LNPK: variants seen among roughly 807,000 people sequenced by gnomAD.
LNPK encodes lunapark, ER junction formation factor.
In LNPK, 29 loss-of-function variants were observed where a neutral mutation model predicts 55.2. The observed-to-expected ratio is 0.53, with a 90% CI of 0.39 to 0.72. The LOEUF (loss-of-function observed/expected upper bound fraction) is 0.72. Among genes scored for constraint, LNPK ranks in the 30% least tolerant of loss-of-function variants. The pLI, the probability that LNPK is intolerant of heterozygous loss-of-function variation, is 0.00. For synonymous variants in LNPK, 162 were observed against 168.2 expected, an observed-to-expected ratio of 0.96 and a Z score of 0.29; for missense variants, 467 against 494.8, an observed-to-expected ratio of 0.94 and a Z score of 0.53.
intron 12 of LNPK, among the ~76,000 whole-genome samples, chr2:175,931,655 T>G (rs1684285170): frequency 6.6e-6 from 1 of 152,204 alleles, no homozygotes; most frequent in Non-Finnish European, 1.5e-5. Flanking sequence ...CAAATCTCAT[T>G]TTTAAAAATC....
intron 8 of LNPK, among the ~76,000 whole-genome samples, chr2:175,961,236 T>G (rs1368953675): frequency 2.6e-5 from 4 of 152,164 alleles, no homozygotes; most frequent in East Asian, 1.9e-4. Context: ...TACCAAAGCC[T>G]GGCAGAGACA....
intron 6 of LNPK, among the ~76,000 whole-genome samples, chr2:175,966,286 A>T (rs1295595814): frequency 6.6e-6 from 1 of 152,006 alleles, no homozygotes; most frequent in Non-Finnish European, 1.5e-5. Flanking sequence ...CTGGTCTCGA[A>T]CTCTTGGCCT....
chr2:175,932,012 T>A (rs1684302198), intron 12 of LNPK: 1 of 347,806 alleles, frequency 2.9e-6, no homozygotes. Flanking sequence ...TATAGTTTAG[T>A]AAGCCTTCTG....
intron 8 of LNPK, among the ~76,000 whole-genome samples, chr2:175,948,977 T>C (rs1685276876): frequency 6.6e-6 from 1 of 152,178 alleles, no homozygotes; most frequent in Admixed American, 6.5e-5. Context: ...ATTAACTAAT[T>C]GTTATGAGAA....
chr2:175,993,116 T>C, intron 3 of LNPK, 66 bp downstream of exon 3: 1 of 984,262 alleles, frequency 1.0e-6, no homozygotes, highest in South Asian at 1.6e-5. Flanking sequence ...CAAAATAATA[T>C]ATACTACAAT....
At chr2:175,953,723 C>T (rs1385983176) in intron 8 of LNPK, among the ~76,000 whole-genome samples, 1 of 149,744 alleles carries the variant, frequency 6.7e-6, no homozygotes, top group African/African-American at 2.5e-5. Context: ...TAATTGTTCT[C>T]TATGGCTCAG....
At position 175,947,573 on chromosome 2, in the gene LNPK, C is replaced by G. The variant is rs978369246; in HGVS notation, c.613G>C (p.Gly205Arg). The change falls in exon 9 of 13, where the codon GGT (glycine) becomes CGT (arginine). Residue 205 changes from glycine to arginine, a missense_variant. Coordinates refer to ENST00000272748, the MANE Select transcript of LNPK (RefSeq NM_030650.3). ...GTAACAGTCCTTTCTGGGGGTCCAC[C>G]AGGGGCAGAACTGTCCTTTGGTGGT... ...PGPPKDSSAP[G>R]GPPERTVTPA... 4 of 1,613,880 alleles carry G rather than the reference C, an allele frequency of 2.5e-6. No individual in the cohort carries two copies. The highest frequency in any genetic ancestry group is 3.4e-6 in the Non-Finnish European group (4 of 1,179,982).
intron 1 of LNPK, among the ~76,000 whole-genome samples, chr2:176,001,226 T>A (rs578044940): frequency 6.6e-6 from 1 of 152,204 alleles, no homozygotes; most frequent in East Asian, 1.9e-4. Flanking sequence ...AGTTTGAACA[T>A]ATTCCTGAAA....
At chr2:175,998,444 CAAAA>C (rs761894057) in intron 1 of LNPK, among the ~76,000 whole-genome samples, 5 of 82,850 alleles carry the variant, frequency 6.0e-5, no homozygotes, top group Non-Finnish European at 9.3e-5. Flanking sequence ...CTCCGTCTCA[CAAAA>C]AAAAAAAAAA....
At chr2:175,994,320 C>T in intron 2 of LNPK, 5 of 984,418 alleles carry the variant, frequency 5.1e-6, no homozygotes, top group Non-Finnish European at 6.0e-6. Context: ...AAATTTGATC[C>T]TTGGGCAGAT....
At chr2:175,941,790 C>CAAAAAAAAAAAAAAAAAA (rs59162981) in intron 9 of LNPK, among the ~76,000 whole-genome samples, 5 of 51,900 alleles carry the variant, frequency 9.6e-5, no homozygotes, top group African/African-American at 2.4e-4. Flanking sequence ...GATTCCATCT[C>CAAAAAAAAAAAAAAAAAA]AAAAAAAAAA....
At chr2:175,998,730 T>C (rs1354732972) in intron 1 of LNPK, among the ~76,000 whole-genome samples, 2 of 152,192 alleles carry the variant, frequency 1.3e-5, no homozygotes, top group African/African-American at 2.4e-5. Flanking sequence ...ATTCCTTTAT[T>C]TGATTACATT....
At chr2:175,972,160 C>A (rs563963799) in intron 5 of LNPK, among the ~76,000 whole-genome samples, 1 of 152,258 alleles carries the variant, frequency 6.6e-6, no homozygotes, top group African/African-American at 2.4e-5. Flanking sequence ...AGGTTATCCA[C>A]CTGCCTTGGC....
chr2:175,957,383 G>A (rs1031933102), intron 8 of LNPK, among the ~76,000 whole-genome samples: 4 of 151,534 alleles, frequency 2.6e-5, no homozygotes, highest in Non-Finnish European at 5.9e-5. Context: ...CTCAAAAAAA[G>A]AACCCAGCCA....
At chr2:175,932,114 G>GC (rs1559022108) in intron 12 of LNPK, 1 of 450,354 alleles carries the variant, frequency 2.2e-6, no homozygotes, top group East Asian at 7.0e-5. Flanking sequence ...GTGAAAACAG[G>GC]CCCACATAGT....
chr2:176,001,836 GC>G (rs1385044102), intron 1 of LNPK, among the ~76,000 whole-genome samples: 2 of 152,156 alleles, frequency 1.3e-5, no homozygotes, highest in African/African-American at 4.8e-5. Flanking sequence ...AAGAGCTGGG[GC>G]TCAAGCCAGT....
At chr2:175,997,703 C>CTGTG (rs1491566543) in intron 1 of LNPK, among the ~76,000 whole-genome samples, 1 of 45,818 alleles carries the variant, frequency 2.2e-5, no homozygotes, top group Non-Finnish European at 4.5e-5. Flanking sequence ...AAAACAAATG[C>CTGTG]TCTGTGTGTG....
intron 4 of LNPK, among the ~76,000 whole-genome samples, chr2:175,985,087 C>T (rs376088082): frequency 1.3e-5 from 2 of 152,178 alleles, no homozygotes; most frequent in African/African-American, 2.4e-5. Context: ...GAGTGAAAAA[C>T]GCCAATTTCA....
intron 12 of LNPK, among the ~76,000 whole-genome samples, chr2:175,932,611 A>T (rs1684330812): frequency 6.6e-6 from 1 of 152,210 alleles, no homozygotes; most frequent in Non-Finnish European, 1.5e-5. Context: ...AGTCTAAATA[A>T]GATAGGTATT....
Sources: gnomAD v4.1 joint callset for allele counts (sites outside exome capture counted in the v4.1 genomes callset) on GRCh38, gnomAD v4.1.1 for gene constraint, MANE v1.5 for transcripts, NCBI Gene and HGNC (gene_info 2026-07-23, HGNC 2026-07-21) for gene names.